The following CDH18 variants were observed in gnomAD, a reference collection of about 807,000 sequenced individuals.
CDH18 encodes the protein cadherin-18.
CDH18 carries 31 observed loss-of-function variants against 67.9 expected under a neutral mutation model. That is an observed-to-expected ratio of 0.46 (90% CI 0.34 to 0.62). The LOEUF is 0.62. CDH18 is among the 20% of genes least tolerant of loss of function. CDH18 has a pLI of 0.01. For missense variants in CDH18, 890 were observed against 975.5 expected (o/e 0.91, Z 1.17); for synonymous variants, 362 against 347.2 (o/e 1.04, Z -0.48).
chr5:19,931,204 T>C (rs1167228569), intron 2 of CDH18, among the ~76,000 whole-genome samples: 1 of 151,972 alleles, frequency 6.6e-6, no homozygotes, highest in Non-Finnish European at 1.5e-5. Context: ...AATTATTCCT[T>C]TTAGTTCAAA....
rs192915129 is a variant in CDH18 at position 19,800,677 on chromosome 5, A to T, written c.228+38082T>A. Among the ~76,000 whole-genome samples, 45 of 152,322 alleles carry T rather than the reference A, an allele frequency of 3.0e-4. No homozygotes were observed. The East Asian group carries it at 8.5e-3, about 29-fold the overall frequency. On this transcript the variant is annotated intron_variant, in intron 3 of 12. Coordinates refer to ENST00000382275, the MANE Select transcript of CDH18 (RefSeq NM_004934.5). ...AGGTAGGATTTGTGTAAACCATTGG[A>T]TTCTCACATACCATAGCAGAAAATC...
intron 1 of CDH18, among the ~76,000 whole-genome samples, chr5:20,440,472 G>A (rs1028671722): frequency 6.6e-6 from 1 of 151,766 alleles, no homozygotes; most frequent in African/African-American, 2.4e-5. Context: ...GTATGCAATA[G>A]GTCCTCCGTT....
intron 2 of CDH18, among the ~76,000 whole-genome samples, chr5:19,898,755 T>G (rs551958473): frequency 6.6e-6 from 1 of 152,272 alleles, no homozygotes; most frequent in Non-Finnish European, 1.5e-5. Flanking sequence ...CAGTGATTTC[T>G]TGGATATGAC....
intron 11 of CDH18, 52 bp from the exon 12 acceptor site, chr5:19,483,604 G>T (rs1400830107): frequency 2.0e-6 from 3 of 1,522,888 alleles, no homozygotes; most frequent in African/African-American, 2.8e-5. Context: ...CGCCATTCAA[G>T]ATTCACATTT....
At position 19,535,655 on chromosome 5, in the gene CDH18, A is replaced by G. The variant is rs949016875; in HGVS notation, c.1390+8214T>C. On this transcript the variant is annotated intron_variant, in intron 9 of 12. Coordinates refer to ENST00000382275, the MANE Select transcript of CDH18 (RefSeq NM_004934.5). ...GATATGTTTGCATGAGAGTCGAGAA[A>G]AAAATAACTAAAAAGACTCAATGAA... Among the ~76,000 whole-genome samples, 44 of 152,286 alleles carry G rather than the reference A, an allele frequency of 2.9e-4. 1 individual carries two copies. The highest frequency in any genetic ancestry group is 9.9e-4 in the African/African-American group (41 of 41,570).
At position 19,509,093 on chromosome 5, in the gene CDH18, C is replaced by T. The variant is rs377266464; in HGVS notation, c.1513-5984G>A. Among the ~76,000 whole-genome samples, 6 of 151,922 alleles carry T rather than the reference C, an allele frequency of 3.9e-5. No homozygotes were observed. In the East Asian group the frequency reaches 7.8e-4, roughly 20 times the overall value. ...TATGTTGGCCAGGCTGGTCTAGAAC[C>T]CCTGGCCTCAAGTGATCTGCCCTCC... On this transcript the variant is annotated intron_variant, in intron 10 of 12. Coordinates refer to ENST00000382275, the MANE Select transcript of CDH18 (RefSeq NM_004934.5).
chr5:20,253,080 T>C (rs1351465379), intron 2 of CDH18, among the ~76,000 whole-genome samples: 3 of 152,158 alleles, frequency 2.0e-5, no homozygotes, highest in Non-Finnish European at 4.4e-5. Context: ...AGCGGGGTCG[T>C]AGCCTAGCTA....
At chr5:19,971,895 G>T (rs1313852561) in intron 2 of CDH18, among the ~76,000 whole-genome samples, 12 of 151,612 alleles carry the variant, frequency 7.9e-5, no homozygotes, top group Admixed American at 3.3e-4. Context: ...GAATCGAGGT[G>T]ATCTGCCAAA....
intron 7 of CDH18, 41 bp from the exon 8 acceptor site, chr5:19,571,873 AGTC>A (rs1741476568): frequency 5.3e-6 from 8 of 1,515,562 alleles, no homozygotes; most frequent in Non-Finnish European, 7.2e-6. Context: ...TTATAAAAAA[AGTC>A]ATATTATGAC....
intron 2 of CDH18, among the ~76,000 whole-genome samples, chr5:19,911,726 G>A (rs949058226): frequency 2.6e-5 from 4 of 151,908 alleles, no homozygotes; most frequent in African/African-American, 9.7e-5. Flanking sequence ...CTAGAACTGT[G>A]AGAATTAATG....
At chr5:20,459,861 AGG>A (rs1318010911) in intron 1 of CDH18, among the ~76,000 whole-genome samples, 1 of 152,156 alleles carries the variant, frequency 6.6e-6, no homozygotes, top group Non-Finnish European at 1.5e-5. Flanking sequence ...TTCCAACATT[AGG>A]GGCTGTTCAC....
At chr5:19,550,870 A>G (rs1311776110) in intron 8 of CDH18, among the ~76,000 whole-genome samples, 1 of 152,188 alleles carries the variant, frequency 6.6e-6, no homozygotes, top group Non-Finnish European at 1.5e-5. Flanking sequence ...ACTAGTTTAC[A>G]TTCCCACCAA....
intron 7 of CDH18, among the ~76,000 whole-genome samples, chr5:19,585,577 T>G (rs1255880345): frequency 1.3e-5 from 2 of 152,154 alleles, no homozygotes; most frequent in Non-Finnish European, 1.5e-5. Context: ...ATGAATCTTT[T>G]TAAATTACTT....
chr5:20,019,779 G>T (rs1411828079), intron 2 of CDH18, among the ~76,000 whole-genome samples: 2 of 152,202 alleles, frequency 1.3e-5, no homozygotes, highest in African/African-American at 4.8e-5. Context: ...CAGGGGTGGG[G>T]CATTGCTATA....
At chr5:20,482,674 A>T (rs892298960) in intron 1 of CDH18, among the ~76,000 whole-genome samples, 7 of 152,236 alleles carry the variant, frequency 4.6e-5, no homozygotes, top group Admixed American at 1.3e-4. Context: ...GACAAAAACC[A>T]TATGATAATT....
At chr5:20,513,864 G>A (rs539395849) in intron 1 of CDH18, among the ~76,000 whole-genome samples, 3 of 152,122 alleles carry the variant, frequency 2.0e-5, no homozygotes, top group Admixed American at 2.0e-4. Context: ...TATTTCTGTA[G>A]CAAATAAATG....
intron 1 of CDH18, among the ~76,000 whole-genome samples, chr5:20,486,612 T>C (rs1268284314): frequency 6.6e-6 from 1 of 151,224 alleles, no homozygotes; most frequent in Non-Finnish European, 1.5e-5. Context: ...CATAAGCATG[T>C]TTTTATTAAC....
At position 20,047,938 on chromosome 5, in the gene CDH18, G is replaced by C. The variant is rs1741055621; in HGVS notation, c.-517-55924C>G. ...GAATGTTTAGTGAGACTTTGTTTCA[G>C]GGTCACTTTCAGTATTGAGTGACTT... is the stretch of plus-strand genomic sequence containing the variant. On this transcript the variant is annotated intron_variant, in intron 2 of 14. Transcript: ENST00000507958. Among the ~76,000 whole-genome samples, 4 of 151,824 alleles carry C rather than the reference G, an allele frequency of 2.6e-5. No individual in the cohort carries two copies. In the South Asian group the frequency reaches 8.3e-4, roughly 31 times the overall value.
intron 2 of CDH18, among the ~76,000 whole-genome samples, chr5:19,928,204 T>G (rs1793295165): frequency 6.6e-6 from 1 of 152,132 alleles, no homozygotes; most frequent in African/African-American, 2.4e-5. Flanking sequence ...TAGACCAAAT[T>G]AAATTGTGCC....
Sources: gnomAD v4.1 joint callset for allele counts (sites outside exome capture counted in the v4.1 genomes callset) on GRCh38, gnomAD v4.1.1 for gene constraint, MANE v1.5 for transcripts, NCBI Gene and HGNC (gene_info 2026-07-23, HGNC 2026-07-21) for gene names.